SPIDR: variants seen among roughly 807,000 people sequenced by gnomAD.
The protein encoded by SPIDR is scaffold protein involved in DNA repair.
SPIDR carries 93 observed loss-of-function variants against 104.6 expected under a neutral mutation model. The ratio of observed to expected loss-of-function variants is 0.89; its 90% CI spans 0.75 to 1.06. The LOEUF (loss-of-function observed/expected upper bound fraction) is 1.06, where lower values mean the gene tolerates loss of function less well. Among genes scored for constraint, SPIDR ranks in the 50% least tolerant of loss-of-function variants. SPIDR has a pLI of 0.00. For missense variants in SPIDR, 1,154 were observed against 1,111.2 expected (o/e 1.04, Z -0.55); for synonymous variants, 431 against 416.9 (o/e 1.03, Z -0.41).
chr8:47,473,280 A>G (rs758131825), intron 8 of SPIDR, among the ~76,000 whole-genome samples: 10 of 152,246 alleles, frequency 6.6e-5, no homozygotes, highest in Non-Finnish European at 1.0e-4. Context: ...TGTCCCAGCT[A>G]GAATGAAGAA....
intron 5 of SPIDR, among the ~76,000 whole-genome samples, chr8:47,345,059 T>A (rs2154277517): frequency 6.6e-6 from 1 of 152,318 alleles, no homozygotes; most frequent in Non-Finnish European, 1.5e-5. Flanking sequence ...CTGAATGGTA[T>A]TGCCTAGGTT....
At chr8:47,719,995 T>A (rs779152365) in intron 16 of SPIDR, among the ~76,000 whole-genome samples, 5 of 152,182 alleles carry the variant, frequency 3.3e-5, no homozygotes, top group Non-Finnish European at 7.4e-5. Flanking sequence ...ACCCTAAAAA[T>A]CCTGTGCTCT....
chr8:47,608,720 C>CT (rs911821315), intron 10 of SPIDR, among the ~76,000 whole-genome samples: 8 of 151,994 alleles, frequency 5.3e-5, no homozygotes, highest in Admixed American at 3.3e-4. Flanking sequence ...AGCATCTTTT[C>CT]TTTTTTTTAT....
chr8:47,608,210 G>A (rs2063197558), intron 10 of SPIDR, among the ~76,000 whole-genome samples: 1 of 152,116 alleles, frequency 6.6e-6, no homozygotes. Context: ...AATCTTTCGT[G>A]ACTGGCTTCT....
intron 7 of SPIDR, among the ~76,000 whole-genome samples, chr8:47,418,527 G>A (rs1163390794): frequency 3.3e-5 from 5 of 152,134 alleles, no homozygotes; most frequent in African/African-American, 9.7e-5. Flanking sequence ...GGGCTGAGAC[G>A]ATGGGTTTTT....
chr8:47,520,567 G>C (rs118127694), intron 8 of SPIDR, among the ~76,000 whole-genome samples: 1 of 152,146 alleles, frequency 6.6e-6, no homozygotes, highest in Non-Finnish European at 1.5e-5. Context: ...GCACAAGACC[G>C]TGTGCTGGAA....
rs565105963 is a variant in SPIDR at position 47,725,436 on chromosome 8, G to A, written c.2342-1764G>A. On this transcript the variant is annotated intron_variant, in intron 16 of 19. Coordinates refer to ENST00000297423, the MANE Select transcript of SPIDR (RefSeq NM_001080394.4). ...GAGATAGAGTCTCTCTCTGTCACCA[G>A]GCTTGAGTATAGTGGCGTGATCTCG... Among the ~76,000 whole-genome samples, 5 of 152,128 alleles carry A rather than the reference G, an allele frequency of 3.3e-5. 1 individual carries two copies. In the South Asian group the frequency reaches 1.0e-3, roughly 31 times the overall value.
At chr8:47,505,301 G>A (rs185462311) in intron 8 of SPIDR, among the ~76,000 whole-genome samples, 17 of 152,282 alleles carry the variant, frequency 1.1e-4, no homozygotes, top group African/African-American at 2.6e-4. Flanking sequence ...GAGCTTCCCC[G>A]CCACTTTGTT....
At chr8:47,490,113 G>T (rs2078421321) in intron 8 of SPIDR, among the ~76,000 whole-genome samples, 1 of 152,106 alleles carries the variant, frequency 6.6e-6, no homozygotes, top group East Asian at 1.9e-4. Flanking sequence ...TCTGAAAAAG[G>T]GCTAATATCC....
At chr8:47,552,585 TG>T (rs2090698269) in intron 8 of SPIDR, among the ~76,000 whole-genome samples, 1 of 152,184 alleles carries the variant, frequency 6.6e-6, no homozygotes, top group African/African-American at 2.4e-5. Context: ...TTGCAACCCC[TG>T]CTTTTTTTTT....
intron 5 of SPIDR, among the ~76,000 whole-genome samples, chr8:47,363,199 CTT>C (rs34705214): frequency 2.1e-4 from 17 of 79,688 alleles, no homozygotes; most frequent in Non-Finnish European, 3.4e-4. Context: ...CTTTATCTCT[CTT>C]TTTTTTTTTT....
At chr8:47,284,214 T>A in intron 3 of SPIDR, 120 bp downstream of exon 3, 2 of 666,688 alleles carry the variant, frequency 3.0e-6, no homozygotes, top group Non-Finnish European at 4.9e-6. Flanking sequence ...ATATTCATAG[T>A]TAAAAAACAT....
At chr8:47,437,408 A>G (rs1314610660) in intron 7 of SPIDR, among the ~76,000 whole-genome samples, 7 of 151,948 alleles carry the variant, frequency 4.6e-5, no homozygotes, top group Non-Finnish European at 1.0e-4. Flanking sequence ...CCATGTCCCT[A>G]CAAAGGACAT....
At chr8:47,284,172 GT>G (rs1432803883) in intron 3 of SPIDR, 78 bp downstream of exon 3, 1 of 1,272,420 alleles carries the variant, frequency 7.9e-7, no homozygotes, top group Non-Finnish European at 1.1e-6. Flanking sequence ...AAAATTTGCT[GT>G]TTTAAAAAAG....
At chr8:47,439,813 T>C (rs2069050309) in intron 7 of SPIDR, among the ~76,000 whole-genome samples, 1 of 152,172 alleles carries the variant, frequency 6.6e-6, no homozygotes, top group Admixed American at 6.5e-5. Flanking sequence ...AATCTAGAGC[T>C]CTAATACCCA....
chr8:47,293,840 A>C (rs2040372969), intron 4 of SPIDR, 27 bp from the exon 5 acceptor site: 2 of 1,581,196 alleles, frequency 1.3e-6, no homozygotes, highest in Non-Finnish European at 1.7e-6. Context: ...GGAGATAATT[A>C]AGCAAGTTAA....
At chr8:47,659,115 G>A (rs1253781667) in intron 10 of SPIDR, among the ~76,000 whole-genome samples, 1 of 151,964 alleles carries the variant, frequency 6.6e-6, no homozygotes, top group African/African-American at 2.4e-5. Context: ...AAAATTAGCT[G>A]GGCGAGGTGG....
intron 10 of SPIDR, among the ~76,000 whole-genome samples, chr8:47,648,148 A>T (rs1328853461): frequency 6.6e-6 from 1 of 152,228 alleles, no homozygotes; most frequent in East Asian, 1.9e-4. Context: ...AAGCTGGTGG[A>T]TAAAGACATG....
intron 8 of SPIDR, among the ~76,000 whole-genome samples, chr8:47,502,249 C>A (rs1037548543): frequency 3.9e-5 from 6 of 152,152 alleles, no homozygotes; most frequent in Admixed American, 1.3e-4. Flanking sequence ...TGATAGAATT[C>A]GGCTGTGAAT....
Sources: allele counts gnomAD v4.1 joint callset (sites outside exome capture counted in the v4.1 genomes callset), GRCh38; gene constraint gnomAD v4.1.1; transcripts MANE v1.5; gene names NCBI Gene and HGNC (gene_info 2026-07-23, HGNC 2026-07-21).